The following VPS35L variants were observed in gnomAD, a reference collection of about 807,000 sequenced individuals.
VPS35L encodes the protein VPS35 endosomal protein-sorting factor-like.
In VPS35L, 83 loss-of-function variants were observed where a neutral mutation model predicts 133.0. That is an observed-to-expected ratio of 0.62 (90% CI 0.52 to 0.75). The LOEUF is 0.75. Ranked by LOEUF, VPS35L falls within the 30% of genes least tolerant of loss-of-function variation. The probability of loss-of-function intolerance (pLI) is 0.00; values close to 1 mark genes in which losing one functional copy is unlikely to be tolerated. For missense variants in VPS35L, 1,083 were observed against 1,206.8 expected (o/e 0.90, Z 1.52); for synonymous variants, 423 against 449.9 (o/e 0.94, Z 0.76).
intron 7 of VPS35L, among the ~76,000 whole-genome samples, chr16:19,588,322 G>T (rs889041508): frequency 2.6e-5 from 4 of 151,744 alleles, no homozygotes; most frequent in African/African-American, 7.3e-5. Flanking sequence ...GAGTAGCTTG[G>T]ATTACGGGCA....
chr16:19,639,460 T>A lies in VPS35L; in HGVS notation c.1699-555T>A, dbSNP rs2151576363. ...GTTGCCTGGATGGCTCACCAAAATG[T>A]TAACTGGTCCCAGCACCAATCCCTG... On this transcript the variant is annotated intron_variant, in intron 20 of 30. Transcript: ENST00000417362. This position sits in a 1 kb window ranked among gnomAD's most constrained non-coding sequence, Gnocchi z 4.1. Among the ~76,000 whole-genome samples the A allele has an allele frequency of 6.6e-6, 1 of 152,358 alleles. No individual in the cohort carries two copies. Among genetic ancestry groups the A allele is most frequent in the South Asian group, 2.1e-4 (1 of 4,832 alleles).
chr16:19,560,566 T>G (rs1450959188), intron 1 of VPS35L, among the ~76,000 whole-genome samples: 1 of 152,086 alleles, frequency 6.6e-6, no homozygotes, highest in African/African-American at 2.4e-5. Context: ...GAGGCCAAGG[T>G]GGGTGGTTCA....
At chr16:19,658,837 G>A (rs1974390556) in intron 26 of VPS35L, among the ~76,000 whole-genome samples, 1 of 152,154 alleles carries the variant, frequency 6.6e-6, no homozygotes, top group Non-Finnish European at 1.5e-5. Flanking sequence ...TCAAGTTAAG[G>A]TGATAGTTGA....
rs148634504 is a variant in VPS35L at position 19,615,828 on chromosome 16, C to A, written c.1024-286C>A. The stretch of plus-strand genomic sequence containing the variant: ...CTAAAAATACAAAAATCAGCCAGGC[C>A]TGGTGACACATGCCTGTAATTCCAG... On this transcript the variant is annotated intron_variant, in intron 12 of 30. Coordinates refer to ENST00000417362, the MANE Select transcript of VPS35L (RefSeq NM_020314.7). Among the ~76,000 whole-genome samples, 1,103 of 148,710 alleles carry A rather than the reference C, an allele frequency of 7.4e-3. 13 individuals are homozygous for A. Among genetic ancestry groups the A allele is most frequent in the African/African-American group, 0.026 (1,051 of 40,342 alleles).
rs1273126437 is a variant in VPS35L at position 19,569,395 on chromosome 16, C to T, written c.118-29C>T. On this transcript the variant is annotated intron_variant, in intron 2 of 30. Coordinates refer to ENST00000417362, the MANE Select transcript of VPS35L (RefSeq NM_020314.7). ...TCACTGGAGAGAGTTGTGGGAGTTC[C>T]GTTTTACCTCCAGAAATTTTCCTCA... 9 of 1,593,058 alleles carry T rather than the reference C, an allele frequency of 5.6e-6. No individual in the cohort carries two copies. The East Asian group carries it at 6.7e-5, about 12-fold the overall frequency.
chr16:19,591,565 G>A (rs1972043387), intron 7 of VPS35L, among the ~76,000 whole-genome samples: 1 of 151,478 alleles, frequency 6.6e-6, no homozygotes, highest in Admixed American at 6.6e-5. Context: ...AAAAAAAAAA[G>A]GAAGGGAAAA....
intron 9 of VPS35L, among the ~76,000 whole-genome samples, chr16:19,604,125 GTT>G (rs575369741): frequency 7.4e-5 from 10 of 135,360 alleles, no homozygotes; most frequent in Non-Finnish European, 6.5e-5. Context: ...ACCAAAATAG[GTT>G]TTTTTTTTTT....
intron 28 of VPS35L, among the ~76,000 whole-genome samples, chr16:19,684,456 C>T (rs1975389067): frequency 6.6e-6 from 1 of 152,194 alleles, no homozygotes; most frequent in South Asian, 2.1e-4. Context: ...CTTTCTCTAG[C>T]TGGGTCTGGG....
rs1567484115 is a variant in VPS35L, at chr16:19,682,239, TG to T, written c.2380del (p.Val794SerfsTer11). 6.2e-7 allele frequency: 1 copy of T among 1,614,124 alleles called. No individual in the cohort carries two copies. ...TTCTCTGCTAGGATCATCCTGAACA[TG>T]GGGTCCTGTTTCTTGTTCGAGAGCT... Reference protein sequence around the residue: ...LLIVPDHPEHGVLFLVRELLN... With the variant: ...LLIVPDHPEHXVLFLVRELLN... On this transcript the variant is annotated frameshift_variant, in exon 28 of 31. Coordinates refer to ENST00000417362, the MANE Select transcript of VPS35L (RefSeq NM_020314.7). LOFTEE classifies it high-confidence loss of function.
intron 27 of VPS35L, among the ~76,000 whole-genome samples, chr16:19,671,176 T>C (rs1490461892): frequency 1.3e-5 from 2 of 152,132 alleles, no homozygotes; most frequent in Non-Finnish European, 2.9e-5. Context: ...GCATTAAAAA[T>C]AATATTCCAA....
intron 13 of VPS35L, 130 bp from the exon 14 acceptor site, chr16:19,616,556 G>C: frequency 8.5e-7 from 1 of 1,171,936 alleles, no homozygotes; most frequent in Non-Finnish European, 1.2e-6. Flanking sequence ...AAAAACAACC[G>C]AGAAACCAGG....
intron 27 of VPS35L, among the ~76,000 whole-genome samples, chr16:19,675,453 C>T (rs1474965085): frequency 6.6e-6 from 1 of 152,136 alleles, no homozygotes; most frequent in Non-Finnish European, 1.5e-5. Context: ...GGTATCTCCT[C>T]AAGATCCTGA....
intron 26 of VPS35L, among the ~76,000 whole-genome samples, chr16:19,664,861 C>A (rs527363998): frequency 1.3e-4 from 19 of 151,518 alleles, no homozygotes; most frequent in African/African-American, 4.4e-4. Context: ...GATCACATCA[C>A]CGCATTCCAG....
intron 3 of VPS35L, among the ~76,000 whole-genome samples, chr16:19,571,298 C>G (rs1224248456): frequency 6.6e-6 from 1 of 152,068 alleles, no homozygotes; most frequent in Non-Finnish European, 1.5e-5. Flanking sequence ...CTCGCTGCAG[C>G]CTTAAAGTCC....
intron 18 of VPS35L, among the ~76,000 whole-genome samples, chr16:19,630,326 G>GTTTTT (rs201807727): frequency 1.1e-3 from 119 of 106,526 alleles, no homozygotes; most frequent in East Asian, 1.7e-3. Context: ...AGTCCTAAAA[G>GTTTTT]TTTTTTTTTT....
At chr16:19,662,072 G>T (rs575335998) in intron 26 of VPS35L, among the ~76,000 whole-genome samples, 1 of 152,154 alleles carries the variant, frequency 6.6e-6, no homozygotes, top group Non-Finnish European at 1.5e-5. Context: ...GCATGATGGC[G>T]CACGCCTGTA....
At chr16:19,598,212 A>G (rs1237858633) in intron 8 of VPS35L, among the ~76,000 whole-genome samples, 1 of 152,210 alleles carries the variant, frequency 6.6e-6, no homozygotes, top group African/African-American at 2.4e-5. Flanking sequence ...GAGAGGATTC[A>G]TAGGAAGTAT....
chr16:19,687,120 T>C (rs1446284082), intron 28 of VPS35L, among the ~76,000 whole-genome samples: 1 of 152,150 alleles, frequency 6.6e-6, no homozygotes, highest in Non-Finnish European at 1.5e-5. Context: ...AGGTTCCCGC[T>C]CCTAGCCTAG....
chr16:19,637,645 C>G lies in VPS35L; in HGVS notation c.1687C>G (p.Leu563Val). Residue 563 changes from leucine to valine, a missense_variant, in exon 20 of 31, where the codon CTT becomes GTT. Transcript: ENST00000417362. ...TGCCCACTTCCATGACTTCTCAGTT[C>G]TTTTCTCAGTGGTAAGTAGGATTTC... ...VIAHFHDFSV[L>V]FSVEKFLPFL... 1.3e-6 allele frequency: 2 copies of G among 1,578,492 alleles called. No individual in the cohort carries two copies. The highest frequency in any genetic ancestry group is 1.7e-6 in the Non-Finnish European group (2 of 1,156,894).
Sources: allele counts gnomAD v4.1 joint callset (sites outside exome capture counted in the v4.1 genomes callset), GRCh38; gene constraint gnomAD v4.1.1; non-coding constraint Gnocchi (gnomAD v3.1); transcripts MANE v1.5; gene names NCBI Gene and HGNC (gene_info 2026-07-23, HGNC 2026-07-21).